The following RNGTT variants were observed in gnomAD, a reference collection of about 807,000 sequenced individuals.
The protein encoded by RNGTT is RNA guanylyltransferase and 5'-phosphatase, also known as mRNA-capping enzyme.
A neutral mutation model predicts 79.3 loss-of-function variants in RNGTT; 33 were observed. The ratio of observed to expected loss-of-function variants is 0.42; its 90% CI spans 0.32 to 0.56. The LOEUF is 0.56. Ranked by LOEUF, RNGTT falls within the 20% of genes least tolerant of loss-of-function variation. The probability of loss-of-function intolerance (pLI) is 0.17; values close to 1 mark genes in which losing one functional copy is unlikely to be tolerated. For missense variants in RNGTT, 497 were observed against 739.1 expected (o/e 0.67, Z 3.80); for synonymous variants, 222 against 235.9 (o/e 0.94, Z 0.54).
chr6:88,747,622 A>C (rs1777706358), intron 13 of RNGTT, among the ~76,000 whole-genome samples: 1 of 152,222 alleles, frequency 6.6e-6, no homozygotes, highest in Admixed American at 6.5e-5. Flanking sequence ...CCTAAAGTCT[A>C]TGACAGCAGG....
intron 13 of RNGTT, among the ~76,000 whole-genome samples, chr6:88,747,398 C>T (rs1777695876): frequency 6.6e-6 from 1 of 152,170 alleles, no homozygotes; most frequent in Non-Finnish European, 1.5e-5. Flanking sequence ...CAATATACCA[C>T]TTACGCTTTA....
chr6:88,643,444 G>C (rs1456469295), intron 14 of RNGTT, among the ~76,000 whole-genome samples: 1 of 152,068 alleles, frequency 6.6e-6, no homozygotes, highest in African/African-American at 2.4e-5. Flanking sequence ...ACAGATCAAC[G>C]AGACAGAAAG....
intron 13 of RNGTT, among the ~76,000 whole-genome samples, chr6:88,761,563 G>T (rs1324187227): frequency 2.0e-5 from 3 of 152,020 alleles, no homozygotes; most frequent in African/African-American, 4.8e-5. Flanking sequence ...CTTAAAGAAG[G>T]TATTGCAATA....
chr6:88,652,860 AT>A (rs575432055), intron 14 of RNGTT, among the ~76,000 whole-genome samples: 90 of 152,178 alleles, frequency 5.9e-4, no homozygotes, highest in African/African-American at 2.1e-3. Context: ...AGGGAGAGTT[AT>A]TTTGTTTTTT....
chr6:88,753,573 G>C (rs1777909833), intron 13 of RNGTT, among the ~76,000 whole-genome samples: 1 of 151,820 alleles, frequency 6.6e-6, no homozygotes, highest in Non-Finnish European at 1.5e-5. Flanking sequence ...ATAAAGCTGG[G>C]TATGAAATGA....
At chr6:88,718,740 A>G (rs1776607310) in intron 13 of RNGTT, among the ~76,000 whole-genome samples, 3 of 152,190 alleles carry the variant, frequency 2.0e-5, no homozygotes, top group African/African-American at 7.2e-5. Context: ...GCTTAAAGTC[A>G]CATAGAAATG....
At position 88,929,278 on chromosome 6, in the gene RNGTT, A is replaced by AC; in HGVS notation, c.175-12_175-11insG. On this transcript the variant is annotated splice_polypyrimidine_tract_variant and intron_variant, in intron 2 of 15. Transcript: ENST00000369485. ...CAAGCCCATTTTAACCTAAAAAAAA[A>AC]AAAAAATGAAAGGGCAAATTTACTA... 6.4e-7 allele frequency: 1 copy of AC among 1,565,862 alleles called. No homozygotes were observed. The highest frequency in any genetic ancestry group is 8.7e-7 in the Non-Finnish European group (1 of 1,154,506).
rs1554211729 is a variant in RNGTT at position 88,738,839 on chromosome 6, T to TATACACAC, written c.1439+30934_1439+30935insGTGTGTAT. On this transcript the variant is annotated intron_variant, in intron 13 of 15. Coordinates refer to ENST00000369485, the MANE Select transcript of RNGTT (RefSeq NM_003800.5). ...TGGAAACTAAAGTCTATAAATAAAA[T>TATACACAC]ACACACACACACACACACACACACA... Among the ~76,000 whole-genome samples the TATACACAC allele has an allele frequency of 5.3e-4, 76 of 142,604 alleles. 1 individual carries two copies. The highest frequency in any genetic ancestry group is 1.9e-3 in the African/African-American group (76 of 39,114). 93.6% of individuals were successfully genotyped at this position (142,604 alleles called of 152,430 possible). A position where few individuals can be genotyped will look rare whatever the true frequency, so the allele number is the denominator to read the frequency against.
chr6:88,644,576 T>C (rs986441049), intron 14 of RNGTT, among the ~76,000 whole-genome samples: 4 of 152,340 alleles, frequency 2.6e-5, no homozygotes, highest in African/African-American at 4.8e-5. Context: ...CCAATATCCC[T>C]GATGAACACT....
intron 15 of RNGTT, 70 bp from the exon 16 acceptor site, chr6:88,612,952 G>C: frequency 7.0e-7 from 1 of 1,424,780 alleles, no homozygotes; most frequent in Non-Finnish European, 9.6e-7. Flanking sequence ...AGGCTTATGA[G>C]AAAGGTTTTC....
rs188361490 is a variant in RNGTT at position 88,664,913 on chromosome 6, G to A, written c.1506+13440C>T. Among the ~76,000 whole-genome samples, 295 of 152,214 alleles carry A rather than the reference G, an allele frequency of 1.9e-3. 4 individuals are homozygous for A. The highest frequency in any genetic ancestry group is 7.0e-3 in the African/African-American group (289 of 41,520). On this transcript the variant is annotated intron_variant, in intron 14 of 15. Transcript: ENST00000369485. ...CCCGGTCGCCCCCTTGTCTAAAAAG[G>A]CTATTGATATAATTGGAGCAACAGG...
rs887938842 is a variant in RNGTT, at chr6:88,721,409, C to T, written c.1440-42990G>A. Among the ~76,000 whole-genome samples, 3 of 151,862 alleles carry T rather than the reference C, an allele frequency of 2.0e-5. No individual in the cohort carries two copies. In the East Asian group the frequency reaches 5.8e-4, roughly 29 times the overall value. ...TTGCCCCCACAACTAACCACTAAAT[C>T]TAATTTTTTGTTTGTTTTTGGTCTT... On this transcript the variant is annotated intron_variant, in intron 13 of 15. Transcript: ENST00000369485.
chr6:88,821,248 C>CA (rs1159398985), intron 11 of RNGTT, among the ~76,000 whole-genome samples: 1 of 151,710 alleles, frequency 6.6e-6, no homozygotes, highest in Non-Finnish European at 1.5e-5. Flanking sequence ...CCTTCACATG[C>CA]AAAAAAATAA....
In RNGTT at chr6:88,836,023, CATAT is replaced by C. The variant is rs1231692909; in HGVS notation, c.1269+8330_1269+8333del. Among the ~76,000 whole-genome samples the C allele has an allele frequency of 7.4e-3, 682 of 92,040 alleles. 7 individuals carry two copies. Among genetic ancestry groups the C allele is most frequent in the Middle Eastern group, 0.013 (2 of 158 alleles). The allele number at this position is 92,040 out of a possible 152,430, so 60.4% of individuals were successfully genotyped here. A position where few individuals can be genotyped will look rare whatever the true frequency, so the allele number is the denominator to read the frequency against. Reference sequence around the variant, plus strand: ...ACACACACACACACACACACACACACATATATATATAAGATTTACATATATATAT... The same window carrying C: ...ACACACACACACACACACACACACACATATATAAGATTTACATATATATAT... On this transcript the variant is annotated intron_variant, in intron 11 of 15. Coordinates refer to ENST00000369485, the MANE Select transcript of RNGTT (RefSeq NM_003800.5).
intron 8 of RNGTT, among the ~76,000 whole-genome samples, chr6:88,885,344 A>T (rs747584024): frequency 7.2e-5 from 11 of 152,128 alleles, no homozygotes; most frequent in Non-Finnish European, 1.2e-4. Context: ...AATGAGGGAG[A>T]GATGTCAAAA....
intron 13 of RNGTT, among the ~76,000 whole-genome samples, chr6:88,750,535 G>A (rs755037913): frequency 2.6e-5 from 4 of 152,108 alleles, no homozygotes; most frequent in Non-Finnish European, 5.9e-5. Context: ...CTATCTCCTA[G>A]CCAGTTCCTT....
intron 13 of RNGTT, among the ~76,000 whole-genome samples, chr6:88,707,961 T>C (rs1455726748): frequency 6.6e-6 from 1 of 151,682 alleles, no homozygotes; most frequent in African/African-American, 2.4e-5. Context: ...ACCAAAAAAA[T>C]CAAGATCTAA....
chr6:88,815,635 A>G (rs1269253088), intron 11 of RNGTT, among the ~76,000 whole-genome samples: 1 of 152,170 alleles, frequency 6.6e-6, no homozygotes. Flanking sequence ...AGTCACACCC[A>G]TCAGCAGGAA....
At chr6:88,913,743 C>T (rs1260579308) in intron 4 of RNGTT, among the ~76,000 whole-genome samples, 1 of 152,118 alleles carries the variant, frequency 6.6e-6, no homozygotes, top group Non-Finnish European at 1.5e-5. Flanking sequence ...AAACCCACAG[C>T]CAACATAATA....
Sources: allele counts gnomAD v4.1 joint callset (sites outside exome capture counted in the v4.1 genomes callset), GRCh38; gene constraint gnomAD v4.1.1; transcripts MANE v1.5; gene names NCBI Gene and HGNC (gene_info 2026-07-23, HGNC 2026-07-21).